MAB21L4: variants seen among roughly 807,000 people sequenced by gnomAD.
MAB21L4 encodes the protein mab-21 like 4, also known as protein mab-21-like 4.
In MAB21L4, 25 loss-of-function variants were observed where a neutral mutation model predicts 32.4. The ratio of observed to expected loss-of-function variants is 0.77; its 90% CI spans 0.56 to 1.08. The LOEUF is 1.08. MAB21L4 is among the 50% of genes least tolerant of loss of function. The pLI is 0.00. For synonymous variants in MAB21L4, 280 were observed against 276.8 expected (o/e 1.01, Z -0.11); for missense variants, 638 against 611.0 (o/e 1.04, Z -0.47).
At chr2:240,892,114 TGCCTTCCCAG>T (rs1281869840) in intron 1 of MAB21L4, 10 of 1,347,516 alleles carry the variant, frequency 7.4e-6, no homozygotes, top group Non-Finnish European at 9.7e-6. Context: ...ACGCCTGCTG[TGCCTTCCCAG>T]GCCTTCCTGA....
chr2:240,890,267 G>C, intron 2 of MAB21L4, 109 bp from the exon 3 acceptor site: 1 of 1,358,644 alleles, frequency 7.4e-7, no homozygotes, highest in Non-Finnish European at 9.8e-7. Flanking sequence ...GTGCTGTGCT[G>C]CGTCTGCTGG....
Position 240,887,075 on chromosome 2 carries a change from T to C in MAB21L4, c.1339A>G (p.Ser447Gly). 1 of 1,613,786 alleles carries C rather than the reference T, an allele frequency of 6.2e-7. No homozygotes were observed. Among genetic ancestry groups the C allele is most frequent in the Non-Finnish European group, 8.5e-7 (1 of 1,179,778 alleles). The change falls in exon 5 of 5, where the codon AGC (serine) becomes GGC (glycine). Residue 447 changes from serine to glycine, a missense_variant. Ser to Gly is a moderately conservative substitution (Grantham distance 56). Transcript: ENST00000388934. Reference sequence around the variant, plus strand: ...CTGAGACCAGGTGGCCCAGCTCAGCTCTCCTCGCCTCCCAGAGTCCTGGTC... The same window carrying C: ...CTGAGACCAGGTGGCCCAGCTCAGCCCTCCTCGCCTCCCAGAGTCCTGGTC... ...QKTRTLGGEE[S>G]
intron 1 of MAB21L4, among the ~76,000 whole-genome samples, chr2:240,892,935 T>G (rs1487085175): frequency 6.6e-6 from 1 of 152,192 alleles, no homozygotes; most frequent in African/African-American, 2.4e-5. Flanking sequence ...CTCTGGCCTC[T>G]GCCTCAGTTG....
In MAB21L4 at chr2:240,891,605, C is replaced by G; in HGVS notation, c.673G>C (p.Glu225Gln). 6.2e-7 allele frequency: 1 copy of G among 1,610,156 alleles called. No homozygotes were observed. Among genetic ancestry groups the G allele is most frequent in the Non-Finnish European group, 8.5e-7 (1 of 1,179,964 alleles). ...EGVQQMPGFPEGSLRRILSQG... is the reference protein window; with the variant it reads ...EGVQQMPGFPQGSLRRILSQG... The stretch of plus-strand genomic sequence containing the variant: ...CTGAGGATCCTTCTCAAGCTGCCCT[C>G]AGGGAATCCGGGCATCTGCTGCACC... The change falls in exon 2 of 5, where the codon GAG becomes CAG. Residue 225 changes from glutamate (E) to glutamine (Q), a missense_variant. Glu to Gln is a conservative substitution (Grantham distance 29, BLOSUM62 2). Coordinates refer to ENST00000388934, the MANE Select transcript of MAB21L4 (RefSeq NM_001085437.3).
rs746355182 is a variant in MAB21L4 at position 240,887,113 on chromosome 2, C to A, written c.1301G>T (p.Ser434Ile). 2.1e-5 allele frequency: 34 copies of A among 1,614,064 alleles called. No individual in the cohort carries two copies. Among genetic ancestry groups the A allele is most frequent in the Middle Eastern group, 1.6e-4 (1 of 6,084 alleles). ...QDKDRISAMQ[S>I]IFQKTRTLGG... ...CAGAGTCCTGGTCTTCTGGAAGATGCTCTGCATGGCAGAGATCCGGTCCTT... is the reference window on the plus strand; with the variant it reads ...CAGAGTCCTGGTCTTCTGGAAGATGATCTGCATGGCAGAGATCCGGTCCTT... The change falls in exon 5 of 5, where the codon AGC (serine) becomes ATC (isoleucine). Residue 434 changes from serine to isoleucine, a missense_variant. Physicochemically the swap from Ser to Ile is moderately radical, Grantham distance 142 (BLOSUM62 -2). Transcript: ENST00000388934.
chr2:240,889,956 AC>A (rs2059129171), intron 3 of MAB21L4, 48 bp downstream of exon 3: 1 of 1,563,922 alleles, frequency 6.4e-7, no homozygotes, highest in Non-Finnish European at 8.7e-7. Flanking sequence ...GGGTGCACCT[AC>A]CCCTGGGCCC....
chr2:240,888,693 C>T, intron 3 of MAB21L4, 45 bp from the exon 4 acceptor site: 1 of 1,372,588 alleles, frequency 7.3e-7, no homozygotes, highest in Non-Finnish European at 9.6e-7. Flanking sequence ...CCCACCCGGC[C>T]CACCCTGTGC....
chr2:240,888,390 G>C lies in MAB21L4; in HGVS notation c.1153C>G (p.Pro385Ala), dbSNP rs775397965. ...IHATHLGRSPPPRIGSGLKAL... is the reference protein window; with the variant it reads ...IHATHLGRSPAPRIGSGLKAL... ...TTGAGCCCGGAGCCGATGCGCGGCGGGGGGCTGCGGCCCAGGTGGGTGGCG... is the reference window on the plus strand; with the variant it reads ...TTGAGCCCGGAGCCGATGCGCGGCGCGGGGCTGCGGCCCAGGTGGGTGGCG... The change falls in exon 4 of 5, where the codon CCG becomes GCG. Residue 385 changes from proline (P) to alanine (A), a missense_variant. Transcript: ENST00000388934. 4.5e-6 allele frequency: 7 copies of C among 1,558,450 alleles called. No individual in the cohort carries two copies. The African/African-American group carries it at 8.3e-5, about 18-fold the overall frequency.
At position 240,886,839 on chromosome 2, in the gene MAB21L4, C is replaced by G; in HGVS notation, c.*231G>C. On this transcript the variant is annotated 3_prime_UTR_variant, in exon 5 of 5. Coordinates refer to ENST00000388934, the MANE Select transcript of MAB21L4 (RefSeq NM_001085437.3). ...GGGTCAACATGCACCACATGGAGAG[C>G]TTGGCACCTGCATCCAGGCCCTGAC... 1 of 529,064 alleles carries G rather than the reference C, an allele frequency of 1.9e-6. No individual in the cohort carries two copies. The highest frequency in any genetic ancestry group is 3.4e-6 in the Non-Finnish European group (1 of 297,986). The allele number at this position is 529,064 out of a possible 1,614,324, so 32.8% of individuals were successfully genotyped here.
chr2:240,894,022 A>C (rs2059171435), intron 1 of MAB21L4, among the ~76,000 whole-genome samples: 1 of 151,972 alleles, frequency 6.6e-6, no homozygotes, highest in South Asian at 2.1e-4. Flanking sequence ...ACCCCAGGGC[A>C]CTAGACAGGT....
intron 3 of MAB21L4, among the ~76,000 whole-genome samples, chr2:240,889,638 T>C (rs570968779): frequency 1.9e-4 from 29 of 152,242 alleles, no homozygotes; most frequent in African/African-American, 6.0e-4. Context: ...GAGGGAGGTG[T>C]CCCAGCCAGG....
intron 1 of MAB21L4, chr2:240,892,045 A>G: frequency 6.8e-7 from 1 of 1,472,466 alleles, no homozygotes; most frequent in South Asian, 1.4e-5. Flanking sequence ...TGATGACAGC[A>G]GCGTCCTACA....
In MAB21L4 at chr2:240,896,076, A is replaced by G; in HGVS notation, c.-79T>C. ...CCAGCTGTGCAGATGGGCTGTGAGG[A>G]GGCACCTGCCCAGGTGAGCAGCAGG... On this transcript the variant is annotated 5_prime_UTR_variant, in exon 1 of 5. Transcript: ENST00000388934. The G allele has an allele frequency of 7.2e-7, 1 of 1,387,032 alleles. No homozygotes were observed. Among genetic ancestry groups the G allele is most frequent in the Non-Finnish European group, 9.3e-7 (1 of 1,077,944 alleles). 85.9% of individuals were successfully genotyped at this position (1,387,032 alleles called of 1,614,324 possible).
chr2:240,888,144 G>T (rs1056811364), intron 4 of MAB21L4, 148 bp downstream of exon 4: 2 of 654,424 alleles, frequency 3.1e-6, no homozygotes, highest in East Asian at 6.3e-5. Flanking sequence ...ACATGTCCCC[G>T]CAGACGCTCT....
At position 240,888,632 on chromosome 2, in the gene MAB21L4, G is replaced by GC; in HGVS notation, c.910dup (p.Ala304GlyfsTer99). The GC allele has an allele frequency of 6.3e-7, 1 of 1,580,580 alleles. No homozygotes were observed. The highest frequency in any genetic ancestry group is 1.1e-5 in the South Asian group (1 of 87,066). On this transcript the variant is annotated frameshift_variant, in exon 4 of 5. Coordinates refer to ENST00000388934, the MANE Select transcript of MAB21L4 (RefSeq NM_001085437.3). LOFTEE classifies it high-confidence loss of function. ...CTCGGGCGCCAGGAAGAGCACAGAG[G>GC]CCCACAGCAGCACCATCTGCAGGAC...
At chr2:240,888,080 C>A (rs1420608427) in intron 4 of MAB21L4, among the ~76,000 whole-genome samples, 2 of 152,200 alleles carry the variant, frequency 1.3e-5, no homozygotes, top group Non-Finnish European at 2.9e-5. Flanking sequence ...AGCCCCAGGC[C>A]CTGTGAGGCC....
At chr2:240,893,332 GC>G (rs1345847848) in intron 1 of MAB21L4, among the ~76,000 whole-genome samples, 7 of 152,204 alleles carry the variant, frequency 4.6e-5, no homozygotes, top group Non-Finnish European at 7.3e-5. Flanking sequence ...CCACCTCAGG[GC>G]AACCCTGGCC....
chr2:240,891,349 G>T (rs2059147317), intron 2 of MAB21L4, among the ~76,000 whole-genome samples, 189 bp downstream of exon 2: 2 of 152,182 alleles, frequency 1.3e-5, no homozygotes, highest in African/African-American at 4.8e-5. Flanking sequence ...TTCCACTAGG[G>T]AGAGGACACA....
rs371171789 is a variant in MAB21L4 at position 240,895,787 on chromosome 2, C to T, written c.211G>A (p.Ala71Thr). 4.5e-5 allele frequency: 72 copies of T among 1,606,958 alleles called. 2 individuals carry two copies. Among genetic ancestry groups the T allele is most frequent in the African/African-American group, 1.7e-4 (13 of 74,946 alleles). Reference protein sequence around the residue: ...YSRGLEAFQFALRSSEDPMDM... With the variant: ...YSRGLEAFQFTLRSSEDPMDM... ...ATTGGGTCCTCAGAGGAGCGCAGGG[C>T]GAACTGGAAGGCCTCCAGGCCACGG... The change falls in exon 1 of 5, where the codon GCC becomes ACC. Residue 71 changes from alanine (A) to threonine (T), a missense_variant. Transcript: ENST00000388934.
Sources: gnomAD v4.1 joint callset for allele counts (sites outside exome capture counted in the v4.1 genomes callset) on GRCh38, gnomAD v4.1.1 for gene constraint, MANE v1.5 for transcripts, NCBI Gene and HGNC (gene_info 2026-07-23, HGNC 2026-07-21) for gene names.